Variants in SP2 observed in about 807,000 individuals in gnomAD.
The protein encoded by SP2 is transcription factor Sp2.
A neutral mutation model predicts 50.1 loss-of-function variants in SP2; 9 were observed. That is an observed-to-expected ratio of 0.18 (90% CI 0.11 to 0.31). SP2 has a LOEUF of 0.31. Ranked by LOEUF, SP2 falls within the 10% of genes least tolerant of loss-of-function variation. The pLI is 1.00. For missense variants in SP2, 581 were observed against 806.5 expected, an observed-to-expected ratio of 0.72 and a Z score of 3.39; for synonymous variants, 313 against 326.6, an observed-to-expected ratio of 0.96 and a Z score of 0.45.
Position 47,927,860 on chromosome 17 carries a change from C to T in SP2, c.*36C>T. 7.8e-7 allele frequency: 1 copy of T among 1,283,322 alleles called. No individual in the cohort carries two copies. Among genetic ancestry groups the T allele is most frequent in the Non-Finnish European group, 1.1e-6 (1 of 899,758 alleles). 79.5% of individuals were successfully genotyped at this position (1,283,322 alleles called of 1,614,324 possible). A position where few individuals can be genotyped will look rare whatever the true frequency, so the allele number is the denominator to read the frequency against. Reference sequence around the variant, plus strand: ...GGCGGGAGGCCCTGAAGATGCAGTCCCCCACCTGTGTCCTCCCTGGGCCCC... The same window carrying T: ...GGCGGGAGGCCCTGAAGATGCAGTCTCCCACCTGTGTCCTCCCTGGGCCCC... On this transcript the variant is annotated 3_prime_UTR_variant, in exon 7 of 7. Coordinates refer to ENST00000376741, the MANE Select transcript of SP2 (RefSeq NM_003110.6).
chr17:47,898,459 A>G (rs541338461), intron 1 of SP2: 1 of 152,330 alleles, frequency 6.6e-6, no homozygotes, highest in African/African-American at 2.4e-5. Context: ...TTGCCCAACC[A>G]GGGCCCTTAT....
downstream of SP2, among the ~76,000 whole-genome samples, chr17:47,929,400 A>G (rs573366174): frequency 6.6e-6 from 1 of 152,308 alleles, no homozygotes; most frequent in African/African-American, 2.4e-5. Context: ...AGAAGGCTAC[A>G]GTCTGGCAAC....
At chr17:47,921,998 TTC>T (rs1275301259) in intron 3 of SP2, among the ~76,000 whole-genome samples, 1 of 152,154 alleles carries the variant, frequency 6.6e-6, no homozygotes, top group Non-Finnish European at 1.5e-5. Flanking sequence ...GAATCTATAT[TTC>T]TCTGTCTATA....
In SP2 at chr17:47,925,030, A is replaced by C; in HGVS notation, c.1484A>C (p.Gln495Pro). Residue 495 changes from glutamine to proline, a missense_variant, in exon 5 of 7, where the codon CAG becomes CCG. By Grantham distance (76) the Gln-to-Pro change is moderately conservative (BLOSUM62 -1). This residue lies in a region of SP2 where 184 missense variants were observed against 315.5 expected (regional missense o/e 0.58). Transcript: ENST00000376741. Reference protein sequence around the residue: ...QMEQALAGETQPGEKRRRMAC... With the variant: ...QMEQALAGETPPGEKRRRMAC... The stretch of plus-strand genomic sequence containing the variant: ...GAACAAGCCCTGGCCGGAGAGACCC[A>C]GCCCGGGGAGAAGCGGCGCCGCATG... 1 of 1,614,160 alleles carries C rather than the reference A, an allele frequency of 6.2e-7. No homozygotes were observed. The highest frequency in any genetic ancestry group is 1.1e-5 in the South Asian group (1 of 91,068).
chr17:47,920,201 C>T (rs563338354), intron 3 of SP2, among the ~76,000 whole-genome samples: 3 of 151,862 alleles, frequency 2.0e-5, no homozygotes, highest in Admixed American at 6.6e-5. Flanking sequence ...CTGCAACCTC[C>T]GCCTCCCGGG....
Position 47,915,324 on chromosome 17 carries a change from G to A in SP2, c.20G>A (p.Ser7Asn), listed in dbSNP as rs1420330267. The A allele has an allele frequency of 6.2e-7, 1 of 1,612,162 alleles. No individual in the cohort carries two copies. The highest frequency in any genetic ancestry group is 1.1e-5 in the South Asian group (1 of 90,822). Residue 7 changes from serine (S) to asparagine (N), a missense_variant, in exon 2 of 7, where the codon AGC becomes AAC. Ser to Asn is a conservative substitution (Grantham distance 46). Coordinates refer to ENST00000376741, the MANE Select transcript of SP2 (RefSeq NM_003110.6). ...TTTCTTCCAACAGATCCACAGACCA[G>A]CATGGCTGCCACTGCTGCTGTGAGT... MSDPQTSMAATAAVSPS... is the reference protein window; with the variant it reads MSDPQTNMAATAAVSPS...
chr17:47,905,431 G>A (rs1108833), intron 1 of SP2, among the ~76,000 whole-genome samples: 42,562 of 152,142 alleles, frequency 0.28, 6,843 homozygotes, highest in Middle Eastern at 0.41. Flanking sequence ...ACCCACGATG[G>A]CAGGAACCCA....
intron 5 of SP2, 120 bp downstream of exon 5, chr17:47,925,213 G>GC: frequency 7.0e-7 from 1 of 1,428,006 alleles, no homozygotes; most frequent in Non-Finnish European, 9.5e-7. Flanking sequence ...GCAGCTCTGT[G>GC]CCACCTTGCC....
intron 3 of SP2, among the ~76,000 whole-genome samples, chr17:47,920,777 C>T (rs756978506): frequency 2.6e-5 from 4 of 152,080 alleles, no homozygotes; most frequent in Non-Finnish European, 5.9e-5. Flanking sequence ...TTTATAAAAT[C>T]AGCTTTACTG....
intron 1 of SP2, among the ~76,000 whole-genome samples, chr17:47,902,981 C>T (rs2034603502): frequency 6.6e-6 from 1 of 152,316 alleles, no homozygotes; most frequent in Admixed American, 6.5e-5. Flanking sequence ...GTCTCCAACT[C>T]CTGACCTCAG....
intron 1 of SP2, among the ~76,000 whole-genome samples, chr17:47,911,402 G>A (rs916578107): frequency 6.6e-6 from 1 of 151,642 alleles, no homozygotes; most frequent in Non-Finnish European, 1.5e-5. Context: ...AAAATTAGCC[G>A]GATGTAGTGG....
intron 1 of SP2, among the ~76,000 whole-genome samples, chr17:47,904,282 A>T (rs2034669684): frequency 1.4e-5 from 2 of 144,218 alleles, no homozygotes; most frequent in Admixed American, 1.4e-4. Flanking sequence ...AAAAAAAAAG[A>T]AGTAGAAGTA....
At chr17:47,918,925 A>G (rs1245812701) in intron 3 of SP2, among the ~76,000 whole-genome samples, 1 of 152,202 alleles carries the variant, frequency 6.6e-6, no homozygotes, top group African/African-American at 2.4e-5. Context: ...AGTAGCAGAG[A>G]CAATATGCCC....
At chr17:47,919,924 A>G (rs901633230) in intron 3 of SP2, among the ~76,000 whole-genome samples, 13 of 141,618 alleles carry the variant, frequency 9.2e-5, no homozygotes, top group African/African-American at 3.2e-4. Flanking sequence ...GCAACCTCCA[A>G]CTCCTGGGTT....
At chr17:47,904,972 G>A (rs763458530) in intron 1 of SP2, among the ~76,000 whole-genome samples, 1 of 152,102 alleles carries the variant, frequency 6.6e-6, no homozygotes, top group East Asian at 1.9e-4. Flanking sequence ...GCATCTTGCT[G>A]TATTGCCCAG....
At chr17:47,909,544 A>G (rs2034898597) in intron 1 of SP2, 2 of 182,212 alleles carry the variant, frequency 1.1e-5, no homozygotes, top group Admixed American at 1.3e-4. Context: ...GAGCCACTGC[A>G]CCTGGCCAGG....
intron 3 of SP2, among the ~76,000 whole-genome samples, chr17:47,920,412 A>G (rs1744088078): frequency 6.6e-6 from 1 of 150,992 alleles, no homozygotes; most frequent in Non-Finnish European, 1.5e-5. Flanking sequence ...TCAGCCTCCC[A>G]ACTAGCTGAG....
intron 1 of SP2, among the ~76,000 whole-genome samples, chr17:47,896,861 C>G (rs897353302): frequency 6.6e-6 from 1 of 152,174 alleles, no homozygotes; most frequent in African/African-American, 2.4e-5. Flanking sequence ...CTGATATATC[C>G]CCAGTCGGGC....
At chr17:47,927,202 T>TG (rs2035683624) in intron 6 of SP2, among the ~76,000 whole-genome samples, 1 of 151,724 alleles carries the variant, frequency 6.6e-6, no homozygotes, top group African/African-American at 2.4e-5. Context: ...AGAGGTCAAA[T>TG]GGGGGGTCAG....
Sources: gnomAD v4.1 joint callset for allele counts (sites outside exome capture counted in the v4.1 genomes callset) on GRCh38, gnomAD v4.1.1 for gene constraint, gnomAD v4.1.1 regional missense constraint, MANE v1.5 for transcripts, NCBI Gene and HGNC (gene_info 2026-07-23, HGNC 2026-07-21) for gene names.